The following MYBPC1 variants were observed in gnomAD, a reference collection of about 807,000 sequenced individuals.
MYBPC1 encodes the protein myosin-binding protein C, slow-type.
In MYBPC1, 52 loss-of-function variants were observed where a neutral mutation model predicts 147.1. The observed-to-expected ratio is 0.35, with a 90% CI of 0.28 to 0.45. The LOEUF is 0.45. MYBPC1 is among the 20% of genes least tolerant of loss of function. MYBPC1 has a pLI of 1.00. For missense variants in MYBPC1, 1,228 were observed against 1,440.3 expected, an observed-to-expected ratio of 0.85 and a Z score of 2.39; for synonymous variants, 477 against 475.9, an observed-to-expected ratio of 1.00 and a Z score of -0.03.
At chr12:101,680,075 T>C (rs774103436) in intron 28 of MYBPC1, among the ~76,000 whole-genome samples, 6 of 152,232 alleles carry the variant, frequency 3.9e-5, no homozygotes, top group African/African-American at 1.4e-4. Flanking sequence ...GTAGATCAAA[T>C]TGAAATGCAA....
chr12:101,633,719 A>G (rs1890409253), intron 8 of MYBPC1, among the ~76,000 whole-genome samples: 1 of 151,400 alleles, frequency 6.6e-6, no homozygotes, highest in African/African-American at 2.4e-5. Context: ...CTCTTCGGTT[A>G]AAGCTATATA....
intron 29 of MYBPC1, among the ~76,000 whole-genome samples, chr12:101,681,888 C>T (rs1204921592): frequency 2.0e-5 from 3 of 151,722 alleles, no homozygotes; most frequent in African/African-American, 7.3e-5. Flanking sequence ...GGATTATAGG[C>T]GTGAGCCACT....
intron 20 of MYBPC1, among the ~76,000 whole-genome samples, chr12:101,662,095 TGCTATG>T (rs1224784056): frequency 1.3e-5 from 2 of 152,104 alleles, no homozygotes; most frequent in African/African-American, 4.8e-5. Flanking sequence ...GTGACTAAGT[TGCTATG>T]GCTGACTTAA....
At chr12:101,674,940 A>G (rs866423317) in intron 25 of MYBPC1, among the ~76,000 whole-genome samples, 1 of 151,162 alleles carries the variant, frequency 6.6e-6, no homozygotes, top group South Asian at 2.1e-4. Context: ...AATCATTGTT[A>G]TCATTGTATT....
At chr12:101,683,464 T>C (rs1424476975) in intron 30 of MYBPC1, among the ~76,000 whole-genome samples, 1 of 152,132 alleles carries the variant, frequency 6.6e-6, no homozygotes, top group Non-Finnish European at 1.5e-5. Flanking sequence ...AACTTACATA[T>C]TTAAAATATT....
intron 10 of MYBPC1, among the ~76,000 whole-genome samples, chr12:101,638,559 G>A (rs184496880): frequency 1.3e-5 from 2 of 152,252 alleles, no homozygotes; most frequent in Admixed American, 6.5e-5. Flanking sequence ...CTAAGGAAAT[G>A]TGTCATTTTC....
intron 16 of MYBPC1, among the ~76,000 whole-genome samples, chr12:101,652,388 T>C (rs568682643): frequency 1.6e-4 from 24 of 152,282 alleles, no homozygotes; most frequent in African/African-American, 5.8e-4. Flanking sequence ...TTAGCCTTTT[T>C]AAAGCTATGA....
At chr12:101,621,970 C>T (rs1024803848) in intron 3 of MYBPC1, among the ~76,000 whole-genome samples, 4 of 152,140 alleles carry the variant, frequency 2.6e-5, no homozygotes, top group African/African-American at 9.7e-5. Context: ...CTTACAAATG[C>T]TATTTTCCCA....
At chr12:101,632,665 A>C (rs924010485) in intron 8 of MYBPC1, among the ~76,000 whole-genome samples, 1 of 152,262 alleles carries the variant, frequency 6.6e-6, no homozygotes, top group African/African-American at 2.4e-5. Flanking sequence ...TTGACTTGGC[A>C]GCAAATATTA....
intron 26 of MYBPC1, among the ~76,000 whole-genome samples, chr12:101,676,122 T>C (rs1330826531): frequency 1.3e-5 from 2 of 152,182 alleles, no homozygotes; most frequent in African/African-American, 4.8e-5. Flanking sequence ...ATCGTTAGCG[T>C]TAGTCTATTT....
chr12:101,670,619 T>C lies in MYBPC1; in HGVS notation c.2613+210T>C, dbSNP rs3829327. Among the ~76,000 whole-genome samples, 92,194 of 152,104 alleles carry C rather than the reference T, an allele frequency of 0.61. 30,042 individuals are homozygous for C. The highest frequency in any genetic ancestry group is 0.74 in the Admixed American group (11,252 of 15,292). The stretch of plus-strand genomic sequence containing the variant: ...TCTATAGAAACCATCACAGATTTTC[T>C]TTCTGCATGAGACAAATGAGATATA... On this transcript the variant is annotated intron_variant, in intron 24 of 31. Transcript: ENST00000361466.
At chr12:101,687,310 G>A (rs1280856517), downstream of MYBPC1, among the ~76,000 whole-genome samples, 3 of 152,040 alleles carry the variant, frequency 2.0e-5, no homozygotes, top group East Asian at 1.9e-4. Flanking sequence ...ACCTATGAGT[G>A]AGAACATGCG....
chr12:101,613,436 A>T (rs1265035023), intron 1 of MYBPC1, among the ~76,000 whole-genome samples: 3 of 152,222 alleles, frequency 2.0e-5, no homozygotes, highest in East Asian at 1.9e-4. Flanking sequence ...AAACTTTGTT[A>T]TCTTTATATT....
At chr12:101,613,239 GCT>G (rs1420243091) in intron 1 of MYBPC1, among the ~76,000 whole-genome samples, 1 of 152,098 alleles carries the variant, frequency 6.6e-6, no homozygotes, top group Admixed American at 6.6e-5. Context: ...ATTTTTCTAT[GCT>G]CATTCCAGCC....
chr12:101,671,302 C>T (rs1203588121), intron 24 of MYBPC1, among the ~76,000 whole-genome samples: 1 of 134,330 alleles, frequency 7.4e-6, no homozygotes, highest in Non-Finnish European at 1.6e-5. Context: ...ACACATTTGA[C>T]ACTCATATAC....
intron 1 of MYBPC1, among the ~76,000 whole-genome samples, chr12:101,607,682 A>G (rs1267127607): frequency 6.6e-6 from 1 of 152,136 alleles, no homozygotes; most frequent in Non-Finnish European, 1.5e-5. Context: ...CCATGCTATA[A>G]AAAAGCTAAA....
At chr12:101,639,547 T>A (rs1472029817) in intron 10 of MYBPC1, among the ~76,000 whole-genome samples, 1 of 152,232 alleles carries the variant, frequency 6.6e-6, no homozygotes, top group East Asian at 1.9e-4. Flanking sequence ...AGGTCATTGG[T>A]GTTCTTATAT....
In MYBPC1 at chr12:101,652,701, A is replaced by G; in HGVS notation, c.1550A>G (p.Asn517Ser). ...KGRIHKLVIANALTEDEGDYV... is the reference protein window; with the variant it reads ...KGRIHKLVIASALTEDEGDYV... ...AGGATCCACAAGTTAGTGATAGCCAATGCCCTCACTGAAGATGAAGGTGAT... is the reference window on the plus strand; with the variant it reads ...AGGATCCACAAGTTAGTGATAGCCAGTGCCCTCACTGAAGATGAAGGTGAT... Residue 517 changes from asparagine (N) to serine (S), a missense_variant, in exon 17 of 32, where the codon AAT (asparagine) becomes AGT (serine). This residue lies in a region of MYBPC1 where 1,077 missense variants were observed against 1,314.2 expected (regional missense o/e 0.82). Coordinates refer to ENST00000361466, the MANE Select transcript of MYBPC1 (RefSeq NM_002465.4). The G allele has an allele frequency of 6.2e-7, 1 of 1,613,002 alleles. No homozygotes were observed. Among genetic ancestry groups the G allele is most frequent in the Non-Finnish European group, 8.5e-7 (1 of 1,178,992 alleles).
chr12:101,659,612 C>T, intron 18 of MYBPC1, 60 bp from the exon 19 acceptor site: 5 of 1,580,748 alleles, frequency 3.2e-6, no homozygotes, highest in Non-Finnish European at 3.5e-6. Flanking sequence ...TTATAGGAGA[C>T]TCTGAAGTAG....
Sources: gnomAD v4.1 joint callset for allele counts (sites outside exome capture counted in the v4.1 genomes callset) on GRCh38, gnomAD v4.1.1 for gene constraint, gnomAD v4.1.1 regional missense constraint, MANE v1.5 for transcripts, NCBI Gene and HGNC (gene_info 2026-07-23, HGNC 2026-07-21) for gene names.